FHIT: variants seen among roughly 807,000 people sequenced by gnomAD.
FHIT encodes the protein fragile histidine triad diadenosine triphosphatase, also known as bis(5'-adenosyl)-triphosphatase.
Under a neutral mutation model 17.9 loss-of-function variants are expected in FHIT, and 19 were observed. The observed-to-expected ratio is 1.06, with a 90% CI of 0.74 to 1.56. The LOEUF is 1.56. Among genes scored for constraint, FHIT ranks in the 40% most tolerant of loss-of-function variants. FHIT has a pLI of 0.00. For synonymous variants in FHIT, 81 were observed against 69.7 expected, an observed-to-expected ratio of 1.16 and a Z score of -0.81; for missense variants, 248 against 189.2, an observed-to-expected ratio of 1.31 and a Z score of -1.82.
In FHIT at chr3:59,928,327, C is replaced by T. The variant is rs573427297; in HGVS notation, c.280-5913G>A. On this transcript the variant is annotated intron_variant, in intron 7 of 9. Transcript: ENST00000492590. Reference sequence around the variant, plus strand: ...ATTAAGCAGCTGACCTTAAGATTGGCAGAGGTATCATAGATTTTCCAGGTT... The same window carrying T: ...ATTAAGCAGCTGACCTTAAGATTGGTAGAGGTATCATAGATTTTCCAGGTT... Among the ~76,000 whole-genome samples, 4 of 152,280 alleles carry T rather than the reference C, an allele frequency of 2.6e-5. No individual in the cohort carries two copies. In the East Asian group the frequency reaches 5.8e-4, roughly 22 times the overall value.
At chr3:60,438,072 A>C (rs566356320) in intron 5 of FHIT, among the ~76,000 whole-genome samples, 1 of 152,212 alleles carries the variant, frequency 6.6e-6, no homozygotes, top group Admixed American at 6.5e-5. Flanking sequence ...CAAGGAAGTA[A>C]TCATGTCCTT....
intron 5 of FHIT, among the ~76,000 whole-genome samples, chr3:60,212,899 CA>C (rs1357522333): frequency 1.3e-5 from 2 of 152,082 alleles, no homozygotes; most frequent in Non-Finnish European, 2.9e-5. Context: ...GAGGATGTTC[CA>C]AGTGGAGCAG....
At position 60,277,511 on chromosome 3, in the gene FHIT, T is replaced by C. The variant is rs535713885; in HGVS notation, c.103+259349A>G. 7.9e-4 allele frequency among the ~76,000 whole-genome samples: 120 copies of C among 152,312 alleles called. 2 individuals carry two copies. The highest frequency in any genetic ancestry group is 1.9e-3 in the South Asian group (9 of 4,824). The stretch of plus-strand genomic sequence containing the variant: ...TCTTCCCTTTTCTTTGCCAGCCACA[T>C]GTAGAGTAACGAGCAGGCAACATGG... On this transcript the variant is annotated intron_variant, in intron 5 of 9. Coordinates refer to ENST00000492590, the MANE Select transcript of FHIT (RefSeq NM_002012.4).
rs1054804961 is a variant in FHIT at position 59,840,089 on chromosome 3, G to T, written c.348+82257C>A. On this transcript the variant is annotated intron_variant, in intron 8 of 9. Coordinates refer to ENST00000492590, the MANE Select transcript of FHIT (RefSeq NM_002012.4). Reference sequence around the variant, plus strand: ...ACAGGAGGAGTCAGAAGAGGGTAGAGCTGTCACTCTGTGGGCTATGTTTCC... The same window carrying T: ...ACAGGAGGAGTCAGAAGAGGGTAGATCTGTCACTCTGTGGGCTATGTTTCC... Among the ~76,000 whole-genome samples the T allele has an allele frequency of 3.3e-5, 5 of 152,170 alleles. 1 individual carries two copies. The highest frequency in any genetic ancestry group is 7.3e-5 in the Non-Finnish European group (5 of 68,042).
chr3:59,908,909 C>T (rs1246186750), intron 8 of FHIT, among the ~76,000 whole-genome samples: 1 of 141,446 alleles, frequency 7.1e-6, no homozygotes, highest in African/African-American at 2.5e-5. Context: ...TCAAATGAAC[C>T]TCAGACACAG....
chr3:60,362,426 T>G lies in FHIT; in HGVS notation c.103+174434A>C, dbSNP rs183081174. Among the ~76,000 whole-genome samples, 7 of 152,346 alleles carry G rather than the reference T, an allele frequency of 4.6e-5. No individual in the cohort carries two copies. In the East Asian group the frequency reaches 1.3e-3, roughly 29 times the overall value. The stretch of plus-strand genomic sequence containing the variant: ...GAGAGGGTTAACAAAATGTGTTGTT[T>G]TAATTTCATTTTCAGAACAAATTAA... On this transcript the variant is annotated intron_variant, in intron 5 of 9. Transcript: ENST00000492590.
In FHIT at chr3:59,820,842, G is replaced by A. The variant is rs72888518; in HGVS notation, c.349-68521C>T. ...GAACAATGTGCGAGACACAACACAG[G>A]CAGAAGCACAGAAGTTGTGACTGAC... On this transcript the variant is annotated intron_variant, in intron 8 of 9. Coordinates refer to ENST00000492590, the MANE Select transcript of FHIT (RefSeq NM_002012.4). 3.6e-3 allele frequency among the ~76,000 whole-genome samples: 547 copies of A among 152,284 alleles called. 6 individuals are homozygous for A. The highest frequency in any genetic ancestry group is 0.013 in the African/African-American group (527 of 41,560).
chr3:60,916,901 C>T (rs1193043148), intron 3 of FHIT, among the ~76,000 whole-genome samples: 1 of 151,976 alleles, frequency 6.6e-6, no homozygotes, highest in African/African-American at 2.4e-5. Context: ...GAATTAGAAT[C>T]GCATAAAAAA....
At chr3:60,898,274 C>T (rs1057437990) in intron 3 of FHIT, among the ~76,000 whole-genome samples, 1 of 152,088 alleles carries the variant, frequency 6.6e-6, no homozygotes. Flanking sequence ...AAATATTGTG[C>T]TCTTAGGATT....
intron 4 of FHIT, among the ~76,000 whole-genome samples, chr3:60,650,519 T>G (rs1577027005): frequency 6.6e-6 from 1 of 152,196 alleles, no homozygotes; most frequent in East Asian, 1.9e-4. Flanking sequence ...ATCTGAATAT[T>G]CCTTTAGCTA....
chr3:61,030,160 G>C (rs1286446541), intron 3 of FHIT, among the ~76,000 whole-genome samples: 1 of 152,108 alleles, frequency 6.6e-6, no homozygotes, highest in Non-Finnish European at 1.5e-5. Context: ...AGTAGAGACA[G>C]GGTTTCTTCA....
chr3:60,323,949 A>G (rs996642726), intron 5 of FHIT, among the ~76,000 whole-genome samples: 5 of 151,218 alleles, frequency 3.3e-5, no homozygotes, highest in African/African-American at 4.9e-5. Context: ...ATGAAAGGGA[A>G]TAACTTCCCA....
chr3:60,584,681 CA>C (rs2037851507), intron 4 of FHIT, among the ~76,000 whole-genome samples: 1 of 151,908 alleles, frequency 6.6e-6, no homozygotes, highest in Non-Finnish European at 1.5e-5. Context: ...CTAACATGGA[CA>C]AAAGGAAAGA....
intron 5 of FHIT, among the ~76,000 whole-genome samples, chr3:60,467,297 T>G (rs1004022756): frequency 1.3e-5 from 2 of 152,040 alleles, no homozygotes; most frequent in African/African-American, 4.8e-5. Flanking sequence ...AAAAAACAAC[T>G]TTTTGTTTCA....
chr3:60,204,951 C>T (rs1433376508), intron 5 of FHIT, among the ~76,000 whole-genome samples: 2 of 151,942 alleles, frequency 1.3e-5, no homozygotes, highest in East Asian at 1.9e-4. Context: ...AAAAATCTGG[C>T]CAGGCATGGT....
chr3:60,701,804 C>G (rs2041253773), intron 4 of FHIT, among the ~76,000 whole-genome samples: 1 of 152,132 alleles, frequency 6.6e-6, no homozygotes, highest in African/African-American at 2.4e-5. Context: ...AGTCCCCAGA[C>G]AGGAAGGGGG....
At chr3:60,910,137 C>T (rs541688118) in intron 3 of FHIT, among the ~76,000 whole-genome samples, 3 of 152,222 alleles carry the variant, frequency 2.0e-5, no homozygotes, top group South Asian at 4.1e-4. Flanking sequence ...CCCATCTCTC[C>T]GCCAGAGATA....
chr3:60,614,538 A>C (rs1410704228), intron 4 of FHIT, among the ~76,000 whole-genome samples: 2 of 152,100 alleles, frequency 1.3e-5, no homozygotes, highest in Non-Finnish European at 2.9e-5. Flanking sequence ...CGGGAGGCAG[A>C]GGTTGCAGTG....
intron 4 of FHIT, among the ~76,000 whole-genome samples, chr3:60,667,436 T>G (rs575125956): frequency 6.6e-6 from 1 of 152,272 alleles, no homozygotes; most frequent in African/African-American, 2.4e-5. Flanking sequence ...TTATTTCTGT[T>G]ATTTTTTATT....
Sources: allele counts gnomAD v4.1 joint callset (sites outside exome capture counted in the v4.1 genomes callset), GRCh38; gene constraint gnomAD v4.1.1; transcripts MANE v1.5; gene names NCBI Gene and HGNC (gene_info 2026-07-23, HGNC 2026-07-21).